Variants in SLC9B1 observed in about 807,000 individuals in gnomAD.
SLC9B1 encodes solute carrier family 9 member B1.
A neutral mutation model predicts 51.7 loss-of-function variants in SLC9B1; 32 were observed. The observed-to-expected ratio is 0.62, with a 90% CI of 0.47 to 0.83. SLC9B1 has a LOEUF of 0.83. SLC9B1 is among the 40% of genes least tolerant of loss of function. SLC9B1 has a pLI of 0.00. For synonymous variants in SLC9B1, 145 were observed against 212.7 expected (o/e 0.68, Z 2.77); for missense variants, 406 against 613.2 (o/e 0.66, Z 3.57).
intron 11 of SLC9B1, among the ~76,000 whole-genome samples, chr4:102,904,856 C>G (rs140685320): frequency 0.012 from 1,882 of 151,896 alleles, 38 homozygotes; most frequent in African/African-American, 0.042. Context: ...GTAGTGTGCA[C>G]CTGTATAATC....
intron 7 of SLC9B1, among the ~76,000 whole-genome samples, chr4:102,921,436 G>A (rs570982492): frequency 1.3e-5 from 2 of 152,184 alleles, no homozygotes; most frequent in Admixed American, 1.3e-4. Flanking sequence ...AGAAACACCC[G>A]GTACCAGCCA....
chr4:102,945,440 T>C (rs770847019), intron 5 of SLC9B1, 120 bp from the exon 6 acceptor site: 23 of 1,048,962 alleles, frequency 2.2e-5, no homozygotes, highest in Non-Finnish European at 3.0e-5. Context: ...CGAAATCTCA[T>C]TTCAACAGAT....
intron 7 of SLC9B1, among the ~76,000 whole-genome samples, chr4:102,924,095 C>T (rs1736029478): frequency 6.6e-6 from 1 of 152,172 alleles, no homozygotes; most frequent in East Asian, 1.9e-4. Flanking sequence ...ACCTGCATTG[C>T]CAAGACAGTC....
chr4:102,921,261 A>C (rs890670231), intron 7 of SLC9B1, among the ~76,000 whole-genome samples: 4 of 152,140 alleles, frequency 2.6e-5, no homozygotes, highest in African/African-American at 9.7e-5. Flanking sequence ...AATATTCAAC[A>C]CTCTTAAAGA....
intron 1 of SLC9B1, among the ~76,000 whole-genome samples, chr4:102,993,207 T>C (rs971996994): frequency 6.6e-6 from 1 of 152,166 alleles, no homozygotes; most frequent in Non-Finnish European, 1.5e-5. Context: ...CAAAGTCTTG[T>C]CTGAGACAAG....
At chr4:102,960,502 A>T (rs1359742277) in intron 3 of SLC9B1, among the ~76,000 whole-genome samples, 1 of 152,086 alleles carries the variant, frequency 6.6e-6, no homozygotes, top group Admixed American at 6.5e-5. Flanking sequence ...CCCCCCAAAA[A>T]ACAGTGTGGT....
intron 7 of SLC9B1, among the ~76,000 whole-genome samples, chr4:102,926,878 C>T (rs1381782343): frequency 6.6e-6 from 1 of 152,192 alleles, no homozygotes; most frequent in East Asian, 1.9e-4. Flanking sequence ...ACCAAAACAG[C>T]ATGGTACTGG....
chr4:102,929,218 C>T (rs187198889), intron 7 of SLC9B1, among the ~76,000 whole-genome samples: 1 of 152,282 alleles, frequency 6.6e-6, no homozygotes, highest in African/African-American at 2.4e-5. Context: ...AATATACAAG[C>T]TCCTTGAGAA....
chr4:102,949,854 G>A (rs1737456938), intron 3 of SLC9B1, among the ~76,000 whole-genome samples: 1 of 152,012 alleles, frequency 6.6e-6, no homozygotes, highest in Non-Finnish European at 1.5e-5. Context: ...CCAGCTACAT[G>A]GGAGGCTGGG....
chr4:102,941,526 G>A (rs1008609822), intron 6 of SLC9B1: 1 of 453,874 alleles, frequency 2.2e-6, no homozygotes, highest in South Asian at 1.6e-5. Context: ...GCTACTCCCA[G>A]GTCTTTGGAA....
chr4:102,906,551 C>G lies in SLC9B1; in HGVS notation c.1180G>C (p.Glu394Gln). 1.3e-6 allele frequency: 2 copies of G among 1,546,798 alleles called. No homozygotes were observed. The highest frequency in any genetic ancestry group is 2.7e-5 in the African/African-American group (2 of 73,642). ...TTATTCTTACCAACAATATTTGATT[C>G]AAGCGATGAAACAGATACTTCTGCT... The part of the protein sequence containing the change: ...VGAEVSVSSL[E>Q]SNIVGISVAT... The change falls in exon 10 of 12, where the codon GAA becomes CAA. Residue 394 changes from glutamate to glutamine, a missense_variant. This residue lies in a region of SLC9B1 where 250 missense variants were observed against 394.1 expected (regional missense o/e 0.63). Coordinates refer to ENST00000296422, the MANE Select transcript of SLC9B1 (RefSeq NM_139173.4).
At chr4:102,918,653 T>C (rs545238312) in intron 7 of SLC9B1, among the ~76,000 whole-genome samples, 1 of 152,310 alleles carries the variant, frequency 6.6e-6, no homozygotes, top group African/African-American at 2.4e-5. Context: ...AGGGCCTTTA[T>C]AAAAGAGGCT....
chr4:102,892,944 T>C (rs1661465260), intron 11 of SLC9B1: 1 of 152,144 alleles, frequency 6.6e-6, no homozygotes, highest in African/African-American at 2.4e-5. Flanking sequence ...TTCAACCCTA[T>C]AGAATGCTAC....
At chr4:102,907,125 G>A (rs1384992774) in intron 9 of SLC9B1, among the ~76,000 whole-genome samples, 2 of 152,126 alleles carry the variant, frequency 1.3e-5, no homozygotes, top group Non-Finnish European at 2.9e-5. Flanking sequence ...AAACACTTAG[G>A]TAGAATTTGA....
intron 1 of SLC9B1, among the ~76,000 whole-genome samples, chr4:103,007,066 A>G (rs1265579597): frequency 6.6e-6 from 1 of 152,202 alleles, no homozygotes; most frequent in African/African-American, 2.4e-5. Context: ...AACCAGAGCA[A>G]GTCGAGGATG....
In SLC9B1 at chr4:102,911,396, A is replaced by G. The variant is rs779146776; in HGVS notation, c.936+35T>C. 9.7e-6 allele frequency: 14 copies of G among 1,438,116 alleles called. No homozygotes were observed. The African/African-American group carries it at 1.9e-4, about 19-fold the overall frequency. 89.1% of individuals were successfully genotyped at this position (1,438,116 alleles called of 1,614,324 possible). A position where few individuals can be genotyped will look rare whatever the true frequency, so the allele number is the denominator to read the frequency against. ...TTTAATATTTTGAAAAAAATGTCTA[A>G]TACTATACTTCTATAAAATAGATTT... On this transcript the variant is annotated intron_variant, in intron 8 of 11. Coordinates refer to ENST00000296422, the MANE Select transcript of SLC9B1 (RefSeq NM_139173.4).
In SLC9B1 at chr4:102,977,620, G is replaced by A. The variant is rs1002814541; in HGVS notation, c.211+12180C>T. The stretch of plus-strand genomic sequence containing the variant: ...ACGTTTTTGGGAATACTTTAATTAT[G>A]AACTTTTAGAACACTAGTACAATTT... On this transcript the variant is annotated intron_variant, in intron 3 of 11. Transcript: ENST00000296422. 2.6e-5 allele frequency among the ~76,000 whole-genome samples: 4 copies of A among 152,044 alleles called. No homozygotes were observed. In the East Asian group the frequency reaches 7.7e-4, roughly 29 times the overall value.
chr4:102,974,226 G>A (rs1300180752), intron 3 of SLC9B1, among the ~76,000 whole-genome samples: 2 of 90,080 alleles, frequency 2.2e-5, no homozygotes, highest in Admixed American at 3.4e-4. Flanking sequence ...AACAGAGCAA[G>A]ACTCTGTCTA....
At chr4:102,905,237 T>TTTATTTATTTATTTATTTATTTA (rs1185969416) in intron 11 of SLC9B1, among the ~76,000 whole-genome samples, 3 of 45,754 alleles carry the variant, frequency 6.6e-5, no homozygotes, top group Admixed American at 2.2e-4. Flanking sequence ...TTATTTATTT[T>TTTATTTATTTATTTATTTATTTA]TTTGAGATGG....
Sources: allele counts gnomAD v4.1 joint callset (sites outside exome capture counted in the v4.1 genomes callset), GRCh38; gene constraint gnomAD v4.1.1; regional missense constraint gnomAD v4.1.1; transcripts MANE v1.5; gene names NCBI Gene and HGNC (gene_info 2026-07-23, HGNC 2026-07-21).